Variants in CHL1 observed in about 807,000 individuals in gnomAD.
CHL1 encodes the protein neural cell adhesion molecule L1-like protein.
A neutral mutation model predicts 141.9 loss-of-function variants in CHL1; 96 were observed. The observed-to-expected ratio is 0.68, with a 90% CI of 0.57 to 0.80. The LOEUF (loss-of-function observed/expected upper bound fraction) is 0.80, where lower values mean the gene tolerates loss of function less well. Among genes scored for constraint, CHL1 ranks in the 30% least tolerant of loss-of-function variants. CHL1 has a pLI of 0.00. For synonymous variants in CHL1, 613 were observed against 502.2 expected (o/e 1.22, Z -2.95); for missense variants, 1,820 against 1,457.2 (o/e 1.25, Z -4.05).
At position 248,670 on chromosome 3, in the gene CHL1, T is replaced by G. The variant is rs141044390; in HGVS notation, c.-95+3978T>G. The G allele has an allele frequency of 6.6e-5, 10 of 152,266 alleles. No individual in the cohort carries two copies. The South Asian group carries it at 1.9e-3, about 28-fold the overall frequency. The allele number at this position is 152,266 out of a possible 1,614,324, so 9.4% of individuals were successfully genotyped here. A position where few individuals can be genotyped will look rare whatever the true frequency, so the allele number is the denominator to read the frequency against. On this transcript the variant is annotated intron_variant, in intron 2 of 27. Coordinates refer to ENST00000256509, the MANE Select transcript of CHL1 (RefSeq NM_006614.4). ...CTCAAGCTCAATCTTCATAGCCTTT[T>G]TTTAAGTTAATTTTTTCTTTCTTTC...
intron 1 of CHL1, among the ~76,000 whole-genome samples, chr3:234,773 A>G (rs1691785915): frequency 6.6e-6 from 1 of 152,272 alleles, no homozygotes; most frequent in African/African-American, 2.4e-5. Flanking sequence ...AGGGCTCCCC[A>G]TTCATGGGTG....
chr3:253,167 AT>A (rs1380493807), intron 2 of CHL1, among the ~76,000 whole-genome samples: 2 of 152,136 alleles, frequency 1.3e-5, no homozygotes, highest in East Asian at 3.8e-4. Context: ...CATTTCTATA[AT>A]TGTACTATAT....
chr3:326,091 T>G, intron 4 of CHL1, 27 bp downstream of exon 4: 2 of 1,387,826 alleles, frequency 1.4e-6, no homozygotes, highest in Non-Finnish European at 2.0e-6. Flanking sequence ...ACGAAGTGGT[T>G]CTTTAAATGC....
chr3:287,218 AT>A (rs1247125300), intron 2 of CHL1, among the ~76,000 whole-genome samples: 1 of 151,854 alleles, frequency 6.6e-6, no homozygotes, highest in Non-Finnish European at 1.5e-5. Context: ...CATATATTAT[AT>A]ATTAATACAT....
rs773787883 is a variant in CHL1 at position 365,988 on chromosome 3, A to G, written c.1624A>G (p.Ile542Val). 6.2e-7 allele frequency: 1 copy of G among 1,613,676 alleles called. No homozygotes were observed. The highest frequency in any genetic ancestry group is 8.5e-7 in the Non-Finnish European group (1 of 1,179,712). Residue 542 changes from isoleucine (I) to valine (V), a missense_variant, in exon 15 of 28, where the codon ATC (isoleucine) becomes GTC (valine). Ile to Val is a conservative substitution (Grantham distance 29). Transcript: ENST00000256509. ...KLRVSPKNPR[I>V]PKLHMLELHC... ...TAGAGTTTCTCCTAAGAATCCTCGTATCCCCAAATTGCATATGCTTGAATT... is the reference window on the plus strand; with the variant it reads ...TAGAGTTTCTCCTAAGAATCCTCGTGTCCCCAAATTGCATATGCTTGAATT...
intron 2 of CHL1, among the ~76,000 whole-genome samples, chr3:309,776 A>G (rs1328793940): frequency 6.6e-6 from 1 of 152,184 alleles, no homozygotes; most frequent in Non-Finnish European, 1.5e-5. Flanking sequence ...CAGTTTCTCA[A>G]AGTGCTAGGA....
intron 9 of CHL1, among the ~76,000 whole-genome samples, chr3:348,838 G>C (rs545859101): frequency 1.3e-5 from 2 of 152,162 alleles, no homozygotes; most frequent in African/African-American, 4.8e-5. Context: ...GGGTCTAATC[G>C]ACATGTCCAG....
At chr3:256,019 C>A (rs1694127018) in intron 2 of CHL1, among the ~76,000 whole-genome samples, 1 of 151,472 alleles carries the variant, frequency 6.6e-6, no homozygotes, top group South Asian at 2.1e-4. Flanking sequence ...TGCTCCCATT[C>A]CCCAAAGAAT....
intron 1 of CHL1, among the ~76,000 whole-genome samples, chr3:211,654 A>T (rs1270062476): frequency 6.6e-6 from 1 of 152,170 alleles, no homozygotes; most frequent in Non-Finnish European, 1.5e-5. Context: ...ACATGAGTAG[A>T]TGTTTTCCCC....
chr3:380,895 T>G (rs1381143133), intron 16 of CHL1, among the ~76,000 whole-genome samples: 1 of 152,210 alleles, frequency 6.6e-6, no homozygotes, highest in Non-Finnish European at 1.5e-5. Flanking sequence ...TGAGGCACTG[T>G]GGGCAATGCA....
chr3:219,146 C>A (rs77066965), intron 1 of CHL1, among the ~76,000 whole-genome samples: 1 of 145,450 alleles, frequency 6.9e-6, no homozygotes, highest in Admixed American at 6.9e-5. Context: ...GAGACTCTGT[C>A]AAAAAAAAAA....
At chr3:390,883 T>G in intron 21 of CHL1, 67 bp downstream of exon 21, 2 of 1,520,972 alleles carry the variant, frequency 1.3e-6, no homozygotes, top group Non-Finnish European at 1.8e-6. Flanking sequence ...AAAGAAGAAT[T>G]GATTTCAGAA....
At chr3:330,196 C>T (rs767030338) in intron 5 of CHL1, among the ~76,000 whole-genome samples, 2 of 151,898 alleles carry the variant, frequency 1.3e-5, no homozygotes. Flanking sequence ...ACTTAAAAAA[C>T]TTATATCTTT....
chr3:216,891 C>A (rs575773582), intron 1 of CHL1, among the ~76,000 whole-genome samples: 6 of 152,286 alleles, frequency 3.9e-5, no homozygotes, highest in Non-Finnish European at 8.8e-5. Context: ...CAGAAAAACT[C>A]CAAATCATGT....
At chr3:305,200 C>T (rs1044297428) in intron 2 of CHL1, among the ~76,000 whole-genome samples, 1 of 152,108 alleles carries the variant, frequency 6.6e-6, no homozygotes, top group Non-Finnish European at 1.5e-5. Flanking sequence ...AGTATCATGG[C>T]TAAAAGTCAC....
intron 2 of CHL1, chr3:282,881 T>A (rs926856551): frequency 6.6e-6 from 1 of 152,364 alleles, no homozygotes; most frequent in Non-Finnish European, 1.5e-5. Context: ...TTGCCACTTT[T>A]TATCTGTTTT....
At chr3:332,090 C>T (rs1701486978) in intron 5 of CHL1, among the ~76,000 whole-genome samples, 1 of 152,188 alleles carries the variant, frequency 6.6e-6, no homozygotes, top group Non-Finnish European at 1.5e-5. Flanking sequence ...TGTGCATGTG[C>T]CTCTTGTCCA....
At chr3:330,550 C>T (rs952371392) in intron 5 of CHL1, among the ~76,000 whole-genome samples, 11 of 151,770 alleles carry the variant, frequency 7.2e-5, no homozygotes, top group Admixed American at 1.3e-4. Flanking sequence ...TGAAAGTATC[C>T]ATATTTATTA....
intron 24 of CHL1, among the ~76,000 whole-genome samples, chr3:396,226 G>T (rs183568687): frequency 1.1e-4 from 17 of 152,244 alleles, no homozygotes; most frequent in Admixed American, 9.8e-4. Flanking sequence ...GATGGGGATT[G>T]GAAACTTCCC....
Sources: gnomAD v4.1 joint callset for allele counts (sites outside exome capture counted in the v4.1 genomes callset) on GRCh38, gnomAD v4.1.1 for gene constraint, MANE v1.5 for transcripts, NCBI Gene and HGNC (gene_info 2026-07-23, HGNC 2026-07-21) for gene names.